PRKG1: variants seen among roughly 807,000 people sequenced by gnomAD.
The protein encoded by PRKG1 is protein kinase cGMP-dependent 1.
Under a neutral mutation model 88.1 loss-of-function variants are expected in PRKG1, and 35 were observed. That is an observed-to-expected ratio of 0.40 (90% CI 0.30 to 0.53). The LOEUF is 0.53. Among genes scored for constraint, PRKG1 ranks in the 20% least tolerant of loss-of-function variants. The pLI, the probability that PRKG1 is intolerant of heterozygous loss-of-function variation, is 0.59. For synonymous variants in PRKG1, 303 were observed against 292.5 expected, an observed-to-expected ratio of 1.04 and a Z score of -0.37; for missense variants, 540 against 839.8, an observed-to-expected ratio of 0.64 and a Z score of 4.41.
intron 2 of PRKG1, among the ~76,000 whole-genome samples, chr10:51,235,869 A>G (rs1442402256): frequency 6.6e-6 from 1 of 152,180 alleles, no homozygotes; most frequent in African/African-American, 2.4e-5. Context: ...AAAAAAAAAG[A>G]GAGAACCAAT....
intron 3 of PRKG1, among the ~76,000 whole-genome samples, chr10:51,702,838 C>A (rs754660160): frequency 6.6e-6 from 1 of 151,938 alleles, no homozygotes; most frequent in African/African-American, 2.4e-5. Context: ...AGACTACAGG[C>A]GTGTGCCACT....
chr10:52,207,919 T>A (rs1839863191), intron 9 of PRKG1, among the ~76,000 whole-genome samples: 1 of 151,936 alleles, frequency 6.6e-6, no homozygotes, highest in Admixed American at 6.6e-5. Context: ...AATGTTCAAG[T>A]CTCTCAGTGG....
chr10:51,177,894 C>T (rs943381024), intron 2 of PRKG1, among the ~76,000 whole-genome samples: 1 of 151,736 alleles, frequency 6.6e-6, no homozygotes, highest in African/African-American at 2.4e-5. Flanking sequence ...TATGTATATA[C>T]ATATATACTA....
intron 4 of PRKG1, among the ~76,000 whole-genome samples, chr10:51,886,913 A>G (rs1323111984): frequency 6.6e-6 from 1 of 152,124 alleles, no homozygotes; most frequent in Non-Finnish European, 1.5e-5. Flanking sequence ...TCAGTACTGT[A>G]TTTTCCATCT....
chr10:52,244,985 TA>T (rs1247386571), intron 9 of PRKG1, among the ~76,000 whole-genome samples: 2 of 146,302 alleles, frequency 1.4e-5, no homozygotes, highest in East Asian at 2.0e-4. Flanking sequence ...ATTAAAAATA[TA>T]AAAAAATAAA....
chr10:52,128,738 A>T (rs561038062), intron 7 of PRKG1, among the ~76,000 whole-genome samples: 2 of 152,312 alleles, frequency 1.3e-5, no homozygotes, highest in South Asian at 4.1e-4. Flanking sequence ...TAATCTGCCA[A>T]ACAGTAGCTA....
At chr10:51,028,573 G>A (rs996971292) in intron 1 of PRKG1, among the ~76,000 whole-genome samples, 1 of 35,896 alleles carries the variant, frequency 2.8e-5, no homozygotes, top group African/African-American at 2.2e-4. Flanking sequence ...ACAGGGAAGA[G>A]AAGCCAGGAA....
chr10:51,093,296 A>G (rs926121877), intron 1 of PRKG1, among the ~76,000 whole-genome samples: 1 of 152,184 alleles, frequency 6.6e-6, no homozygotes, highest in Non-Finnish European at 1.5e-5. Flanking sequence ...GTGCCTTAAA[A>G]GTAGAGAACC....
intron 5 of PRKG1, among the ~76,000 whole-genome samples, chr10:52,007,934 G>A (rs779176167): frequency 4.6e-5 from 7 of 152,064 alleles, no homozygotes; most frequent in Middle Eastern, 3.4e-3. Flanking sequence ...CACAGTCTTG[G>A]GCTACAGTGC....
intron 4 of PRKG1, among the ~76,000 whole-genome samples, chr10:51,829,741 G>A (rs1258791442): frequency 6.6e-6 from 1 of 152,096 alleles, no homozygotes; most frequent in Non-Finnish European, 1.5e-5. Context: ...TTTGAATCTA[G>A]GTTGTGGGTA....
chr10:51,396,484 CCTT>C (rs1222156593), intron 2 of PRKG1, among the ~76,000 whole-genome samples: 1 of 152,004 alleles, frequency 6.6e-6, no homozygotes, highest in African/African-American at 2.4e-5. Flanking sequence ...AAAAGAAGTT[CCTT>C]CAAGAGTATT....
At chr10:51,523,169 GGGT>G (rs1260597678) in intron 3 of PRKG1, among the ~76,000 whole-genome samples, 1 of 152,096 alleles carries the variant, frequency 6.6e-6, no homozygotes. Context: ...AGGAATCAGA[GGGT>G]GAGATTCAGC....
chr10:51,968,833 A>G (rs1187070125), intron 5 of PRKG1, among the ~76,000 whole-genome samples: 2 of 151,368 alleles, frequency 1.3e-5, no homozygotes, highest in Admixed American at 6.6e-5. Context: ...AAAAAAAAAA[A>G]AAAAGAAAAA....
intron 2 of PRKG1, among the ~76,000 whole-genome samples, chr10:51,314,860 G>T (rs1841279976): frequency 1.3e-5 from 2 of 152,148 alleles, no homozygotes; most frequent in South Asian, 4.1e-4. Context: ...GAGAGAGCTA[G>T]CAGGCCCTCA....
At chr10:51,010,888 C>A (rs1383349284) in intron 1 of PRKG1, among the ~76,000 whole-genome samples, 4 of 152,142 alleles carry the variant, frequency 2.6e-5, no homozygotes, top group African/African-American at 7.2e-5. Context: ...TAATTTATAG[C>A]CACGCAAAAA....
intron 5 of PRKG1, among the ~76,000 whole-genome samples, chr10:52,006,896 A>G (rs1175741236): frequency 6.6e-6 from 1 of 152,160 alleles, no homozygotes; most frequent in Non-Finnish European, 1.5e-5. Context: ...ATCACCTACA[A>G]AGGGAACCCC....
intron 5 of PRKG1, among the ~76,000 whole-genome samples, chr10:51,954,389 A>T (rs2339897): frequency 0.78 from 118,652 of 152,032 alleles, 46,844 homozygotes; most frequent in African/African-American, 0.9. Context: ...CCAACATTGC[A>T]AGGATTATGC....
chr10:51,947,734 C>G (rs907300584), intron 5 of PRKG1, among the ~76,000 whole-genome samples: 4 of 152,170 alleles, frequency 2.6e-5, no homozygotes, highest in African/African-American at 7.2e-5. Flanking sequence ...GGCTGCAGAG[C>G]TGCACCAGCC....
chr10:51,279,506 G>A (rs1840231016), intron 2 of PRKG1, among the ~76,000 whole-genome samples: 1 of 152,258 alleles, frequency 6.6e-6, no homozygotes, highest in Non-Finnish European at 1.5e-5. Context: ...TATTGTGTGG[G>A]AGTCTAAGTC....
Sources: gnomAD v4.1 joint callset for allele counts (sites outside exome capture counted in the v4.1 genomes callset) on GRCh38, gnomAD v4.1.1 for gene constraint, MANE v1.5 for transcripts, NCBI Gene and HGNC (gene_info 2026-07-23, HGNC 2026-07-21) for gene names.